Variants in RPP38 observed in about 807,000 individuals in gnomAD.
The protein encoded by RPP38 is ribonuclease P protein subunit p38.
In RPP38, 2 loss-of-function variants were observed where a neutral mutation model predicts 1.7. The observed-to-expected ratio is 1.18, with a 90% CI of 0.48 to 3.70. RPP38 has a LOEUF of 3.70. Among genes scored for constraint, RPP38 ranks in the 30% most tolerant of loss-of-function variants. The pLI is 0.07. For missense variants in RPP38, 358 were observed against 340.1 expected, an observed-to-expected ratio of 1.05 and a Z score of -0.41; for synonymous variants, 151 against 131.8, an observed-to-expected ratio of 1.15 and a Z score of -1.00.
At chr10:15,098,831 A>C (rs1371134460) in intron 1 of RPP38, among the ~76,000 whole-genome samples, 1 of 147,602 alleles carries the variant, frequency 6.8e-6, no homozygotes, top group Non-Finnish European at 1.5e-5. Flanking sequence ...GGATGCAGTG[A>C]GCCGAGATTG....
At chr10:15,100,080 T>C (rs1845069278) in intron 1 of RPP38, among the ~76,000 whole-genome samples, 1 of 152,244 alleles carries the variant, frequency 6.6e-6, no homozygotes, top group Non-Finnish European at 1.5e-5. Flanking sequence ...GTCAGTACTT[T>C]GTTTCTGGAT....
In RPP38 at chr10:15,103,437, G is replaced by A; in HGVS notation, c.123G>A (p.Met41Ile). Residue 41 changes from methionine (M) to isoleucine (I), a missense_variant, in exon 3 of 3, where the codon ATG becomes ATA. Transcript: ENST00000378197. Reference sequence around the variant, plus strand: ...GGAGCGCTCTGGAGAGCGAGGATATGCACTTCATCCTACAGACGCTTGAGG... The same window carrying A: ...GGAGCGCTCTGGAGAGCGAGGATATACACTTCATCCTACAGACGCTTGAGG... The part of the protein sequence containing the change: ...IRWSALESED[M>I]HFILQTLEDR... 1 of 1,614,234 alleles carries A rather than the reference G, an allele frequency of 6.2e-7. No homozygotes were observed. Among genetic ancestry groups the A allele is most frequent in the Non-Finnish European group, 8.5e-7 (1 of 1,180,050 alleles).
chr10:15,099,708 A>G (rs1845059725), intron 1 of RPP38, among the ~76,000 whole-genome samples: 2 of 152,094 alleles, frequency 1.3e-5, no homozygotes, highest in South Asian at 4.1e-4. Context: ...CGAACTCCTG[A>G]CCTCAAGTGA....
At position 15,103,760 on chromosome 10, in the gene RPP38, A is replaced by T; in HGVS notation, c.446A>T (p.Gln149Leu). 2 of 1,614,016 alleles carry T rather than the reference A, an allele frequency of 1.2e-6. No homozygotes were observed. Among genetic ancestry groups the T allele is most frequent in the Non-Finnish European group, 1.7e-6 (2 of 1,180,028 alleles). The change falls in exon 3 of 3, where the codon CAG (glutamine) becomes CTG (leucine). Residue 149 changes from glutamine (Q) to leucine (L), a missense_variant. Transcript: ENST00000378197. ...KPAMITSHLI[Q>L]LSLSRSVPAC... is the part of the protein sequence containing the mutation. Reference sequence around the variant, plus strand: ...GCCATGATCACCTCACACTTGATTCAGTTAAGCCTAAGCAGAAGTGTCCCT... The same window carrying T: ...GCCATGATCACCTCACACTTGATTCTGTTAAGCCTAAGCAGAAGTGTCCCT...
chr10:15,102,610 T>G lies in RPP38; in HGVS notation c.-11+274T>G, dbSNP rs535768544. Reference sequence around the variant, plus strand: ...TAATTATGAACAAGTAGAAACAGAATATTTTTAATAAATGAAATAGACAAA... The same window carrying G: ...TAATTATGAACAAGTAGAAACAGAAGATTTTTAATAAATGAAATAGACAAA... On this transcript the variant is annotated intron_variant, in intron 2 of 2. Transcript: ENST00000378197. 3 of 152,266 alleles carry G rather than the reference T, an allele frequency of 2.0e-5. No individual in the cohort carries two copies. The South Asian group carries it at 6.2e-4, about 31-fold the overall frequency. The allele number at this position is 152,266 out of a possible 1,614,324, so 9.4% of individuals were successfully genotyped here.
At chr10:15,101,341 T>G (rs1191798208) in intron 1 of RPP38, among the ~76,000 whole-genome samples, 1 of 152,166 alleles carries the variant, frequency 6.6e-6, no homozygotes, top group Admixed American at 6.6e-5. Context: ...TCCTTTAGTT[T>G]TGCCAGGTGG....
Position 15,097,725 on chromosome 10 carries a change from A to G in RPP38, c.-171A>G, listed in dbSNP as rs1844980825. The G allele has an allele frequency of 6.6e-6, 1 of 152,304 alleles. No individual in the cohort carries two copies. Among genetic ancestry groups the G allele is most frequent in the Non-Finnish European group, 1.5e-5 (1 of 68,082 alleles). The allele number at this position is 152,304 out of a possible 1,614,324, so 9.4% of individuals were successfully genotyped here. A position where few individuals can be genotyped will look rare whatever the true frequency, so the allele number is the denominator to read the frequency against. ...CCACGGTCTCCAAGGAGACACGGAC[A>G]ACAGAACAACACTTCCGTGTGCTAA... On this transcript the variant is annotated 5_prime_UTR_variant, in exon 1 of 3. Transcript: ENST00000378197.
Position 15,104,120 on chromosome 10 carries a change from A to G in RPP38, c.806A>G (p.Asn269Ser), listed in dbSNP as rs2131438056. Reference protein sequence around the residue: ...LKIKKLIPNPNKIRKPPKSKK... With the variant: ...LKIKKLIPNPSKIRKPPKSKK... ...ATAAAGAAACTGATTCCAAACCCTA[A>G]TAAGATAAGGAAACCACCCAAAAGT... The change falls in exon 3 of 3, where the codon AAT becomes AGT. Residue 269 changes from asparagine (N) to serine (S), a missense_variant. Coordinates refer to ENST00000378197, the MANE Select transcript of RPP38 (RefSeq NM_183005.5). 7 of 1,586,084 alleles carry G rather than the reference A, an allele frequency of 4.4e-6. No homozygotes were observed. In the East Asian group the frequency reaches 6.7e-5, roughly 15 times the overall value.
Position 15,103,868 on chromosome 10 carries a change from A to G in RPP38, c.554A>G (p.Asn185Ser). The G allele has an allele frequency of 1.2e-6, 2 of 1,614,158 alleles. No homozygotes were observed. Among genetic ancestry groups the G allele is most frequent in the Non-Finnish European group, 1.7e-6 (2 of 1,180,022 alleles). The change falls in exon 3 of 3, where the codon AAC becomes AGC. Residue 185 changes from asparagine to serine, a missense_variant. Transcript: ENST00000378197. ...KCVLALAFKK[N>S]TTDFVDEVRA... Reference sequence around the variant, plus strand: ...GTTCTAGCCTTGGCGTTCAAAAAGAACACCACTGACTTTGTGGACGAAGTA... The same window carrying G: ...GTTCTAGCCTTGGCGTTCAAAAAGAGCACCACTGACTTTGTGGACGAAGTA...
Position 15,097,408 on chromosome 10 carries a change from A to T in RPP38, c.-488A>T, listed in dbSNP as rs980630213. ...CCACGGATTCGCCATCGTGAGTTCC[A>T]GGTGGGCGCGCGGGGCCCACGTAGG... On this transcript the variant is annotated 5_prime_UTR_variant, in exon 1 of 3. Transcript: ENST00000378197. 1.3e-5 allele frequency: 2 copies of T among 152,290 alleles called. No homozygotes were observed. The highest frequency in any genetic ancestry group is 6.5e-5 in the Admixed American group (1 of 15,280). The allele number at this position is 152,290 out of a possible 1,614,324, so 9.4% of individuals were successfully genotyped here.
Position 15,103,467 on chromosome 10 carries a change from G to A in RPP38, c.153G>A (p.Arg51=). 1 of 1,614,128 alleles carries A rather than the reference G, an allele frequency of 6.2e-7. No individual in the cohort carries two copies. The highest frequency in any genetic ancestry group is 1.7e-5 in the Admixed American group (1 of 60,018). ...MHFILQTLED[R]LKAIGLQKIE... is the part of the protein sequence containing the mutation. ...TCATCCTACAGACGCTTGAGGACAG[G>A]CTTAAAGCTATTGGACTTCAGAAGA... The change falls in exon 3 of 3, where the codon AGG becomes AGA. Residue 51 remains arginine, a synonymous_variant. Transcript: ENST00000378197.
chr10:15,099,229 T>G (rs1845046138), intron 1 of RPP38, among the ~76,000 whole-genome samples: 1 of 152,100 alleles, frequency 6.6e-6, no homozygotes. Flanking sequence ...GCTGGCCTCA[T>G]TAAATAGTAT....
Position 15,104,253 on chromosome 10 carries a change from A to G in RPP38, c.*87A>G. The G allele has an allele frequency of 7.8e-7, 1 of 1,276,776 alleles. No homozygotes were observed. Among genetic ancestry groups the G allele is most frequent in the South Asian group, 1.5e-5 (1 of 66,076 alleles). 79.1% of individuals were successfully genotyped at this position (1,276,776 alleles called of 1,614,324 possible). On this transcript the variant is annotated 3_prime_UTR_variant, in exon 3 of 3. Transcript: ENST00000378197. ...AACTAATAAAATGAGTTATACTTAC[A>G]TAGATTCATAGGGTCCTGTTTGGTA...
In RPP38 at chr10:15,103,656, C is replaced by T. The variant is rs760226978; in HGVS notation, c.342C>T (p.Ala114=). ...WTPAHVRKQL[A]IGVNEVTRAL... is the part of the protein sequence containing the mutation. Reference sequence around the variant, plus strand: ...CTGCACACGTCAGGAAGCAGCTTGCCATTGGCGTTAACGAAGTTACCAGAG... The same window carrying T: ...CTGCACACGTCAGGAAGCAGCTTGCTATTGGCGTTAACGAAGTTACCAGAG... The change falls in exon 3 of 3, where the codon GCC becomes GCT. Residue 114 remains alanine, a synonymous_variant. Transcript: ENST00000378197. The T allele has an allele frequency of 1.3e-5, 21 of 1,613,948 alleles. 1 individual carries two copies. In the South Asian group the frequency reaches 2.2e-4, roughly 17 times the overall value.
intron 2 of RPP38, 187 bp from the exon 3 acceptor site, chr10:15,103,118 G>C (rs923208180): frequency 4.9e-6 from 2 of 411,544 alleles, no homozygotes; most frequent in East Asian, 4.8e-5. Flanking sequence ...CTTGAACCCA[G>C]GAGGTGGAGG....
intron 1 of RPP38, among the ~76,000 whole-genome samples, chr10:15,098,207 A>G (rs949833485): frequency 3.6e-5 from 5 of 138,406 alleles, no homozygotes; most frequent in Middle Eastern, 4.0e-3. Context: ...CCCCAGCCAC[A>G]TTGAACTTAT....
intron 2 of RPP38, chr10:15,102,654 G>C (rs1845139728): frequency 6.6e-6 from 1 of 152,122 alleles, no homozygotes; most frequent in Non-Finnish European, 1.5e-5. Context: ...TACTATGATT[G>C]CAATAATTAA....
At chr10:15,098,654 G>C (rs1479293010) in intron 1 of RPP38, among the ~76,000 whole-genome samples, 5 of 150,826 alleles carry the variant, frequency 3.3e-5, no homozygotes, top group African/African-American at 1.2e-4. Flanking sequence ...TTGGGAGGCC[G>C]AGGCGGGCGG....
rs552214600 is a variant in RPP38 at position 15,098,663 on chromosome 10, G to A, written c.-130+897G>A. 6.4e-3 allele frequency among the ~76,000 whole-genome samples: 970 copies of A among 150,756 alleles called. 6 individuals are homozygous for A. The highest frequency in any genetic ancestry group is 9.6e-3 in the Non-Finnish European group (650 of 67,452). ...AGCACTTTGGGAGGCCGAGGCGGGC[G>A]GATCACAAAGTCAGGAGATCGAGAC... On this transcript the variant is annotated intron_variant, in intron 1 of 2. Coordinates refer to ENST00000378197, the MANE Select transcript of RPP38 (RefSeq NM_183005.5).
Sources: gnomAD v4.1 joint callset for allele counts (sites outside exome capture counted in the v4.1 genomes callset) on GRCh38, gnomAD v4.1.1 for gene constraint, MANE v1.5 for transcripts, NCBI Gene and HGNC (gene_info 2026-07-23, HGNC 2026-07-21) for gene names.